KANK1: variants seen among roughly 807,000 people sequenced by gnomAD.
KANK1 encodes the protein KN motif and ankyrin repeat domain-containing protein 1.
Under a neutral mutation model 106.2 loss-of-function variants are expected in KANK1, and 109 were observed. That is an observed-to-expected ratio of 1.03 (90% CI 0.88 to 1.20). The LOEUF is 1.20. Ranked by LOEUF, KANK1 falls within the 50% of genes most tolerant of loss-of-function variation. The pLI is 0.00. For synonymous variants in KANK1, 873 were observed against 652.2 expected (o/e 1.34, Z -5.16); for missense variants, 2,399 against 1,710.7 (o/e 1.40, Z -7.10).
chr9:652,053 C>T (rs1218575816), intron 1 of KANK1, among the ~76,000 whole-genome samples: 1 of 152,074 alleles, frequency 6.6e-6, no homozygotes, highest in Non-Finnish European at 1.5e-5. Context: ...AAATTAATAC[C>T]TGCTTTTTGA....
At chr9:667,467 C>T (rs1844901122) in intron 1 of KANK1, among the ~76,000 whole-genome samples, 1 of 151,656 alleles carries the variant, frequency 6.6e-6, no homozygotes, top group Non-Finnish European at 1.5e-5. Flanking sequence ...TTGGCTTGGT[C>T]TTGCTTTTCT....
intron 3 of KANK1, among the ~76,000 whole-genome samples, chr9:489,645 T>C (rs185902038): frequency 2.0e-4 from 30 of 152,314 alleles, no homozygotes; most frequent in Admixed American, 1.8e-3. Context: ...ACAACTACAG[T>C]GTCTACCCTG....
intron 1 of KANK1, among the ~76,000 whole-genome samples, chr9:577,548 A>G (rs140545593): frequency 9.3e-4 from 142 of 152,260 alleles, no homozygotes; most frequent in African/African-American, 3.2e-3. Flanking sequence ...CCCGACCCAG[A>G]AGCTCAGCCG....
chr9:714,050 G>A (rs1291415138), intron 3 of KANK1, among the ~76,000 whole-genome samples: 1 of 150,202 alleles, frequency 6.7e-6, no homozygotes, highest in South Asian at 2.1e-4. Context: ...ACCAGCCTGG[G>A]CAACATAGTA....
intron 1 of KANK1, among the ~76,000 whole-genome samples, chr9:572,176 A>G: frequency 7.4e-6 from 1 of 134,834 alleles, no homozygotes; most frequent in East Asian, 2.2e-4. Flanking sequence ...TTTTTCTAAG[A>G]GACAGGGTCT....
At chr9:544,270 C>T (rs777491021) in intron 1 of KANK1, among the ~76,000 whole-genome samples, 15 of 152,170 alleles carry the variant, frequency 9.9e-5, no homozygotes, top group Non-Finnish European at 1.9e-4. Flanking sequence ...AGCCACCCCC[C>T]ACTTGGCCTC....
At chr9:550,795 A>C (rs1363554433) in intron 1 of KANK1, among the ~76,000 whole-genome samples, 1 of 152,126 alleles carries the variant, frequency 6.6e-6, no homozygotes, top group African/African-American at 2.4e-5. Flanking sequence ...TTTTCTTCCT[A>C]ACAATTTCAT....
chr9:637,454 A>C (rs1228559280), intron 1 of KANK1, among the ~76,000 whole-genome samples: 1 of 152,148 alleles, frequency 6.6e-6, no homozygotes, highest in Non-Finnish European at 1.5e-5. Flanking sequence ...TCTTGCAGCA[A>C]AGTTTCATAA....
intron 3 of KANK1, among the ~76,000 whole-genome samples, chr9:729,047 C>T (rs1831505393): frequency 6.6e-6 from 1 of 152,234 alleles, no homozygotes; most frequent in African/African-American, 2.4e-5. Flanking sequence ...GTCATTCATA[C>T]TTGGCTCAGA....
At position 713,252 on chromosome 9, in the gene KANK1, G is replaced by A. The variant is rs201236090; in HGVS notation, c.2486G>A (p.Arg829His). The A allele has an allele frequency of 1.1e-4, 172 of 1,610,378 alleles. No individual in the cohort carries two copies. Among genetic ancestry groups the A allele is most frequent in the Middle Eastern group, 6.6e-4 (4 of 6,026 alleles). The change falls in exon 3 of 12, where the codon CGT becomes CAT. Residue 829 changes from arginine to histidine, a missense_variant. Arg to His is a conservative substitution (Grantham distance 29, BLOSUM62 0). Coordinates refer to ENST00000382297, the MANE Select transcript of KANK1 (RefSeq NM_015158.5). Reference protein sequence around the residue: ...MMTGLDHYIERIQKLLAEQQT... With the variant: ...MMTGLDHYIEHIQKLLAEQQT... ...ACTGGCCTGGATCACTACATTGAGC[G>A]TATCCAGAAGCTGCTGGCAGAACAG...
intron 1 of KANK1, among the ~76,000 whole-genome samples, chr9:558,442 C>G (rs1815461952): frequency 6.6e-6 from 1 of 152,340 alleles, no homozygotes; most frequent in African/African-American, 2.4e-5. Flanking sequence ...GTCAACCGAT[C>G]AATACATAGC....
At chr9:506,144 A>C (rs1003958236) in intron 1 of KANK1, among the ~76,000 whole-genome samples, 1 of 152,192 alleles carries the variant, frequency 6.6e-6, no homozygotes, top group African/African-American at 2.4e-5. Flanking sequence ...AAGAACCCCT[A>C]TACCGATTAG....
chr9:742,532 C>G, intron 10 of KANK1, 127 bp downstream of exon 10: 1 of 675,270 alleles, frequency 1.5e-6, no homozygotes, highest in Non-Finnish European at 2.5e-6. Context: ...GTGTCGCCAT[C>G]TAGGTGCCTC....
intron 3 of KANK1, among the ~76,000 whole-genome samples, chr9:498,181 G>A (rs2058487477): frequency 6.6e-6 from 1 of 152,166 alleles, no homozygotes; most frequent in Admixed American, 6.5e-5. Flanking sequence ...AGAAACTTGA[G>A]GCTTGGGGAG....
At chr9:577,851 A>T (rs751261534) in intron 1 of KANK1, among the ~76,000 whole-genome samples, 2 of 152,200 alleles carry the variant, frequency 1.3e-5, no homozygotes, top group Non-Finnish European at 2.9e-5. Context: ...ACTTTTTATT[A>T]TAATTTTCTG....
intron 1 of KANK1, among the ~76,000 whole-genome samples, chr9:626,181 C>T (rs778085896): frequency 3.9e-5 from 6 of 152,094 alleles, no homozygotes; most frequent in Non-Finnish European, 2.9e-5. Flanking sequence ...AAGCATTGTG[C>T]GTCCGGGTGC....
At chr9:534,037 G>A (rs1438997442) in intron 1 of KANK1, among the ~76,000 whole-genome samples, 1 of 152,200 alleles carries the variant, frequency 6.6e-6, no homozygotes, top group African/African-American at 2.4e-5. Flanking sequence ...TCACAGGGAT[G>A]AACAGAAGCT....
At position 712,727 on chromosome 9, in the gene KANK1, C is replaced by A. The variant is rs148744436; in HGVS notation, c.1961C>A (p.Ala654Asp). 2,216 of 1,613,938 alleles carry A rather than the reference C, an allele frequency of 1.4e-3. 4 individuals carry two copies. Among genetic ancestry groups the A allele is most frequent in the Non-Finnish European group, 1.7e-3 (2,045 of 1,179,938 alleles). The change falls in exon 3 of 12, where the codon GCT becomes GAT. Residue 654 changes from alanine (A) to aspartate (D), a missense_variant. Coordinates refer to ENST00000382297, the MANE Select transcript of KANK1 (RefSeq NM_015158.5). ...ECASRGVNTE[A>D]VSQVEAAVMA... Reference sequence around the variant, plus strand: ...GCCTCCCGGGGCGTGAACACTGAGGCTGTTAGCCAGGTGGAAGCTGCCGTC... The same window carrying A: ...GCCTCCCGGGGCGTGAACACTGAGGATGTTAGCCAGGTGGAAGCTGCCGTC...
rs1414712331 is a variant in KANK1 at position 712,276 on chromosome 9, G to A, written c.1510G>A (p.Ala504Thr). The A allele has an allele frequency of 2.5e-6, 4 of 1,614,116 alleles. No homozygotes were observed. Among genetic ancestry groups the A allele is most frequent in the African/African-American group, 1.3e-5 (1 of 74,938 alleles). ...TGGATCGAGGAAAAAGGTTGACAAA[G>A]CCACGATGGCCCAGCCGCTTGTTTT... ...AAGSRKKVDKATMAQPLVFSK... is the reference protein window; with the variant it reads ...AAGSRKKVDKTTMAQPLVFSK... Residue 504 changes from alanine (A) to threonine (T), a missense_variant, in exon 3 of 12, where the codon GCC (alanine) becomes ACC (threonine). Ala to Thr is a moderately conservative substitution (Grantham distance 58). Coordinates refer to ENST00000382297, the MANE Select transcript of KANK1 (RefSeq NM_015158.5).
Sources: gnomAD v4.1 joint callset for allele counts (sites outside exome capture counted in the v4.1 genomes callset) on GRCh38, gnomAD v4.1.1 for gene constraint, MANE v1.5 for transcripts, NCBI Gene and HGNC (gene_info 2026-07-23, HGNC 2026-07-21) for gene names.